Variants in NEXMIF observed in about 807,000 individuals in gnomAD.
NEXMIF encodes the protein neurite extension and migration factor.
Under a neutral mutation model 62.1 loss-of-function variants are expected in NEXMIF, and 8 were observed. The observed-to-expected ratio is 0.13, with a 90% CI of 0.08 to 0.23. The LOEUF is 0.23. NEXMIF is among the 10% of genes least tolerant of loss of function. The probability of loss-of-function intolerance (pLI) is 1.00; values close to 1 mark genes in which losing one functional copy is unlikely to be tolerated. For missense variants in NEXMIF, 976 were observed against 1,113.3 expected, an observed-to-expected ratio of 0.88 and a Z score of 1.75; for synonymous variants, 404 against 416.6, an observed-to-expected ratio of 0.97 and a Z score of 0.37.
At chrX:74,912,345 T>C (rs2080793206) in intron 1 of NEXMIF, among the ~76,000 whole-genome samples, 1 of 111,695 alleles carries the variant, frequency 9.0e-6, no homozygotes, top group Non-Finnish European at 1.9e-5. Flanking sequence ...CCTCAATCAA[T>C]GGTTACCTCA....
chrX:74,847,462 G>A (rs1241456298), intron 1 of NEXMIF, among the ~76,000 whole-genome samples: 1 of 111,953 alleles, frequency 8.9e-6, no homozygotes, highest in African/African-American at 3.2e-5. Flanking sequence ...CACCCTCAAA[G>A]GAAAAAGGAC....
intron 1 of NEXMIF, among the ~76,000 whole-genome samples, chrX:74,825,734 T>C (rs1347243636): frequency 8.9e-6 from 1 of 112,083 alleles, no homozygotes; most frequent in Non-Finnish European, 1.9e-5. Context: ...TTTGTATTTT[T>C]AGTAGAGATG....
chrX:74,739,837 G>A (rs1405324117), intron 3 of NEXMIF: 4 of 381,427 alleles, frequency 1.0e-5, no homozygotes, highest in Middle Eastern at 7.0e-4. Flanking sequence ...AACTAGTGAT[G>A]AATAGCAGAA....
At chrX:74,776,727 CA>C (rs35129554) in intron 1 of NEXMIF, among the ~76,000 whole-genome samples, 1,171 of 64,766 alleles carry the variant, frequency 0.018, 25 homozygotes, top group African/African-American at 0.059. Context: ...AACTCAGTCT[CA>C]AAAAAAAAAA....
chrX:74,876,733 T>G (rs1391619955), intron 1 of NEXMIF, among the ~76,000 whole-genome samples: 6 of 102,106 alleles, frequency 5.9e-5, no homozygotes, highest in Admixed American at 5.5e-4. Context: ...TTGATCCCTT[T>G]ACCATTATGT....
At chrX:74,785,035 A>G (rs1477346854) in intron 1 of NEXMIF, among the ~76,000 whole-genome samples, 3 of 111,464 alleles carry the variant, frequency 2.7e-5, no homozygotes, top group South Asian at 7.5e-4. Flanking sequence ...GTGTGACTCT[A>G]TTGGGAGAAG....
intron 1 of NEXMIF, among the ~76,000 whole-genome samples, chrX:74,752,306 G>C (rs2080146837): frequency 9.0e-6 from 1 of 110,946 alleles, no homozygotes; most frequent in Non-Finnish European, 1.9e-5. Flanking sequence ...GTAGCAAGTA[G>C]GGTGCTGCTG....
intron 1 of NEXMIF, 147 bp from the exon 2 acceptor site, chrX:74,745,844 C>G: frequency 2.5e-6 from 1 of 405,428 alleles, no homozygotes; most frequent in Non-Finnish European, 4.3e-6. Flanking sequence ...TTTTGTTTCA[C>G]AATTTATACC....
chrX:74,921,051 C>T (rs972937717), intron 1 of NEXMIF, among the ~76,000 whole-genome samples: 4 of 111,637 alleles, frequency 3.6e-5, no homozygotes, highest in African/African-American at 1.3e-4. Flanking sequence ...TATTGAAGTG[C>T]TCTTTGGAAA....
At chrX:74,909,634 C>T (rs186645064) in intron 1 of NEXMIF, among the ~76,000 whole-genome samples, 17 of 112,021 alleles carry the variant, frequency 1.5e-4, no homozygotes, top group African/African-American at 5.5e-4. Context: ...AACAAGGAGC[C>T]ACATGTTAAT....
chrX:74,751,532 G>C (rs1401124746), intron 1 of NEXMIF, among the ~76,000 whole-genome samples: 1 of 104,603 alleles, frequency 9.6e-6, no homozygotes, highest in Non-Finnish European at 2.0e-5. Context: ...TTGTCACCCA[G>C]GCTGGAGTGC....
intron 1 of NEXMIF, among the ~76,000 whole-genome samples, chrX:74,872,541 TAAA>T (rs1428455325): frequency 2.7e-5 from 3 of 109,238 alleles, no homozygotes; most frequent in Non-Finnish European, 5.7e-5. Flanking sequence ...CTGACTATAG[TAAA>T]AAGTAATTTA....
chrX:74,820,442 G>A (rs1179595732), intron 1 of NEXMIF, among the ~76,000 whole-genome samples: 1 of 111,120 alleles, frequency 9.0e-6, no homozygotes, highest in African/African-American at 3.3e-5. Flanking sequence ...GAAAATCAAT[G>A]TGATGATTTT....
intron 1 of NEXMIF, among the ~76,000 whole-genome samples, chrX:74,871,653 C>G (rs2080601417): frequency 1.8e-5 from 2 of 111,247 alleles, no homozygotes; most frequent in Non-Finnish European, 3.8e-5. Context: ...AGGGTTACTC[C>G]ATGCTGGGAA....
At chrX:74,849,822 C>T (rs1427731165) in intron 1 of NEXMIF, among the ~76,000 whole-genome samples, 1 of 112,388 alleles carries the variant, frequency 8.9e-6, no homozygotes, top group Non-Finnish European at 1.9e-5. Flanking sequence ...CTGGTAGTGA[C>T]TCTGAGGACA....
At chrX:74,924,238 G>A (rs1438244070) in intron 1 of NEXMIF, among the ~76,000 whole-genome samples, 1 of 111,734 alleles carries the variant, frequency 8.9e-6, no homozygotes, top group Non-Finnish European at 1.9e-5. Context: ...AGCGCCAGAA[G>A]CCACACAGAA....
intron 1 of NEXMIF, among the ~76,000 whole-genome samples, chrX:74,856,254 C>T (rs1342467999): frequency 1.8e-5 from 2 of 112,216 alleles, no homozygotes; most frequent in African/African-American, 6.5e-5. Context: ...ACAAAGTAGA[C>T]ATTCTAGACT....
intron 1 of NEXMIF, among the ~76,000 whole-genome samples, chrX:74,762,543 T>A (rs372810475): frequency 8.9e-6 from 1 of 111,843 alleles, no homozygotes; most frequent in Non-Finnish European, 1.9e-5. Context: ...CGCCACACTG[T>A]CTTCCACAAT....
At chrX:74,804,421 G>A (rs1336868168) in intron 1 of NEXMIF, among the ~76,000 whole-genome samples, 1 of 112,030 alleles carries the variant, frequency 8.9e-6, no homozygotes, top group Non-Finnish European at 1.9e-5. Flanking sequence ...CAAGGCCAAT[G>A]GCATAGTACC....
Sources: allele counts gnomAD v4.1 joint callset (sites outside exome capture counted in the v4.1 genomes callset), GRCh38; gene constraint gnomAD v4.1.1; transcripts MANE v1.5; gene names NCBI Gene and HGNC (gene_info 2026-07-23, HGNC 2026-07-21).